DNAJB13: variants seen among roughly 807,000 people sequenced by gnomAD.
The protein encoded by DNAJB13 is DnaJ heat shock protein family (Hsp40) member B13, also known as dnaJ homolog subfamily B member 13.
In DNAJB13, 22 loss-of-function variants were observed where a neutral mutation model predicts 35.6. That is an observed-to-expected ratio of 0.62 (90% confidence interval 0.44 to 0.88). The LOEUF is 0.88. Among genes scored for constraint, DNAJB13 ranks in the 40% least tolerant of loss-of-function variants. DNAJB13 has a pLI of 0.00. For synonymous variants in DNAJB13, 136 were observed against 144.2 expected (o/e 0.94, Z 0.41); for missense variants, 370 against 384.3 (o/e 0.96, Z 0.31).
Position 73,957,198 on chromosome 11 carries a change from G to A in DNAJB13, c.69-1119G>A, listed in dbSNP as rs114878119. Among the ~76,000 whole-genome samples the A allele has an allele frequency of 5.4e-3, 826 of 152,290 alleles. 8 individuals are homozygous for A. The highest frequency in any genetic ancestry group is 0.018 in the African/African-American group (747 of 41,572). On this transcript the variant is annotated intron_variant, in intron 1 of 7. Transcript: ENST00000339764. Reference sequence around the variant, plus strand: ...GAGCCGGCCCAGGGGAGCATCAGGCGGGGAGATGGGGAGGGAGAAGGGCAG... The same window carrying A: ...GAGCCGGCCCAGGGGAGCATCAGGCAGGGAGATGGGGAGGGAGAAGGGCAG...
At chr11:73,959,815 T>A in intron 3 of DNAJB13, 160 bp downstream of exon 3, 1 of 701,694 alleles carries the variant, frequency 1.4e-6, no homozygotes, top group Non-Finnish European at 2.0e-6. Flanking sequence ...CAGGCTGGAG[T>A]GCAGTAGTGG....
intron 3 of DNAJB13, among the ~76,000 whole-genome samples, chr11:73,961,219 G>A (rs1170150455): frequency 1.3e-5 from 2 of 152,198 alleles, no homozygotes; most frequent in Non-Finnish European, 2.9e-5. Context: ...GGTTGAGGCT[G>A]CAGTGAGCCA....
At chr11:73,959,784 A>C in intron 3 of DNAJB13, 129 bp downstream of exon 3, 1 of 960,218 alleles carries the variant, frequency 1.0e-6, no homozygotes. Context: ...TTTTTTGGAG[A>C]TGGAGACTCA....
chr11:73,961,298 A>C (rs1347687550), intron 3 of DNAJB13, among the ~76,000 whole-genome samples: 1 of 152,116 alleles, frequency 6.6e-6, no homozygotes, highest in Non-Finnish European at 1.5e-5. Context: ...AAAATACATA[A>C]ATAAAGAAAT....
At chr11:73,969,068 C>T (rs1951207161) in intron 6 of DNAJB13, among the ~76,000 whole-genome samples, 178 bp from the exon 7 acceptor site, 1 of 151,928 alleles carries the variant, frequency 6.6e-6, no homozygotes, top group Admixed American at 6.5e-5. Context: ...CAGATCCATC[C>T]ATCTTTCCTG....
At chr11:73,960,606 G>A (rs564444000) in intron 3 of DNAJB13, among the ~76,000 whole-genome samples, 80 of 152,150 alleles carry the variant, frequency 5.3e-4, no homozygotes, top group Admixed American at 2.7e-3. Flanking sequence ...ACAGGCATGA[G>A]CCACCGTGTC....
chr11:73,963,919 C>T (rs781252819), intron 3 of DNAJB13: 10 of 152,146 alleles, frequency 6.6e-5, no homozygotes, highest in African/African-American at 1.7e-4. Context: ...ACACAGGTTC[C>T]GTAGTCATAT....
rs1951242126 is a variant in DNAJB13 at position 73,970,175 on chromosome 11, G to A, written c.*61G>A. 6 of 1,537,938 alleles carry A rather than the reference G, an allele frequency of 3.9e-6. No individual in the cohort carries two copies. The highest frequency in any genetic ancestry group is 2.3e-5 in the East Asian group (1 of 44,012). ...GCCGGGCCTCACCCCACCCCTACCC[G>A]CCACAGCCTCAGGGTGTGCAGGGGA... On this transcript the variant is annotated 3_prime_UTR_variant, in exon 8 of 8. Transcript: ENST00000339764.
In DNAJB13 at chr11:73,951,035, G is replaced by A; in HGVS notation, c.-35G>A. Reference sequence around the variant, plus strand: ...AACTAACAGCCTTGCTAGAGTCTGAGGACTATCCAGGGCCTGACTGCCAGC... The same window carrying A: ...AACTAACAGCCTTGCTAGAGTCTGAAGACTATCCAGGGCCTGACTGCCAGC... On this transcript the variant is annotated 5_prime_UTR_variant, in exon 1 of 8. Transcript: ENST00000339764. 6.2e-7 allele frequency: 1 copy of A among 1,612,350 alleles called. No homozygotes were observed. Among genetic ancestry groups the A allele is most frequent in the Non-Finnish European group, 8.5e-7 (1 of 1,179,130 alleles).
intron 1 of DNAJB13, among the ~76,000 whole-genome samples, chr11:73,954,017 A>G (rs1950659743): frequency 6.8e-6 from 1 of 146,088 alleles, no homozygotes; most frequent in African/African-American, 2.5e-5. Context: ...AATAATAATA[A>G]TAATAATAAT....
At chr11:73,951,160 C>A (rs1271854816) in intron 1 of DNAJB13, 23 bp downstream of exon 1, 1 of 1,613,776 alleles carries the variant, frequency 6.2e-7, no homozygotes, top group Non-Finnish European at 8.5e-7. Flanking sequence ...GGGAGCCAGG[C>A]CTTAGGGGTG....
chr11:73,964,550 C>T (rs1431171235), intron 3 of DNAJB13: 5 of 272,720 alleles, frequency 1.8e-5, no homozygotes, highest in African/African-American at 3.0e-5. Flanking sequence ...TTACGGTATC[C>T]GAGTTGTGAA....
intron 2 of DNAJB13, among the ~76,000 whole-genome samples, chr11:73,959,087 T>A (rs1950847430): frequency 6.6e-6 from 1 of 152,168 alleles, no homozygotes; most frequent in Non-Finnish European, 1.5e-5. Context: ...TTCGAAGTTT[T>A]AAAATTTGGA....
At chr11:73,961,409 C>G (rs902050500) in intron 3 of DNAJB13, among the ~76,000 whole-genome samples, 3 of 152,236 alleles carry the variant, frequency 2.0e-5, no homozygotes, top group African/African-American at 7.2e-5. Flanking sequence ...GCTGCTGTCT[C>G]TGCCACAGTC....
chr11:73,953,127 G>A (rs1438684928), intron 1 of DNAJB13, among the ~76,000 whole-genome samples: 2 of 152,184 alleles, frequency 1.3e-5, no homozygotes, highest in Non-Finnish European at 2.9e-5. Context: ...TTGGGAGGCT[G>A]AGGTGGGAGG....
Position 73,970,176 on chromosome 11 carries a change from C to G in DNAJB13, c.*62C>G. On this transcript the variant is annotated 3_prime_UTR_variant, in exon 8 of 8. Coordinates refer to ENST00000339764, the MANE Select transcript of DNAJB13 (RefSeq NM_153614.4). ...CCGGGCCTCACCCCACCCCTACCCGCCACAGCCTCAGGGTGTGCAGGGGAG... is the reference window on the plus strand; with the variant it reads ...CCGGGCCTCACCCCACCCCTACCCGGCACAGCCTCAGGGTGTGCAGGGGAG... 6.5e-7 allele frequency: 1 copy of G among 1,539,082 alleles called. No individual in the cohort carries two copies. The highest frequency in any genetic ancestry group is 8.8e-7 in the Non-Finnish European group (1 of 1,141,414).
At chr11:73,968,275 T>G (rs113199156) in intron 5 of DNAJB13, 70 bp from the exon 6 acceptor site, 2 of 1,308,712 alleles carry the variant, frequency 1.5e-6, no homozygotes, top group African/African-American at 2.9e-5. Flanking sequence ...TGGAGACAAG[T>G]AGAGGCAGGA....
intron 1 of DNAJB13, among the ~76,000 whole-genome samples, chr11:73,952,169 A>C (rs1178642214): frequency 6.6e-6 from 1 of 152,184 alleles, no homozygotes; most frequent in African/African-American, 2.4e-5. Flanking sequence ...GGGGCTGTGG[A>C]AGTTATCTTG....
intron 5 of DNAJB13, among the ~76,000 whole-genome samples, chr11:73,967,677 C>A (rs1241497709): frequency 1.3e-5 from 2 of 152,166 alleles, no homozygotes; most frequent in Non-Finnish European, 2.9e-5. Flanking sequence ...CCGAGGAGGT[C>A]AAGGCTGCAG....
Sources: allele counts gnomAD v4.1 joint callset (sites outside exome capture counted in the v4.1 genomes callset), GRCh38; gene constraint gnomAD v4.1.1; transcripts MANE v1.5; gene names NCBI Gene and HGNC (gene_info 2026-07-23, HGNC 2026-07-21).